The following ABCG1 variants were observed in gnomAD, a reference collection of about 807,000 sequenced individuals.
The protein encoded by ABCG1 is ATP binding cassette subfamily G member 1.
A neutral mutation model predicts 69.2 loss-of-function variants in ABCG1; 29 were observed. The ratio of observed to expected loss-of-function variants is 0.42; its 90% confidence interval spans 0.31 to 0.57. The LOEUF (loss-of-function observed/expected upper bound fraction) is 0.57, where lower values mean the gene tolerates loss of function less well. Among genes scored for constraint, ABCG1 ranks in the 20% least tolerant of loss-of-function variants. ABCG1 has a pLI of 0.15. For synonymous variants in ABCG1, 370 were observed against 374.8 expected (o/e 0.99, Z 0.15); for missense variants, 718 against 898.1 (o/e 0.80, Z 2.56).
Position 42,225,745 on chromosome 21 carries a change from C to A in ABCG1, c.117C>A (p.Ser39Arg). ...TCTCGGTGGATGAGGTGGTGTCCAG[C>A]AACATGGAGGCCACTGAGACGGACC... ...VCVSVDEVVSSNMEATETDLL... is the reference protein window; with the variant it reads ...VCVSVDEVVSRNMEATETDLL... Residue 39 changes from serine to arginine, a missense_variant, in exon 2 of 15, where the codon AGC becomes AGA. Physicochemically the swap from Ser to Arg is moderately radical, Grantham distance 110. Coordinates refer to ENST00000398449, the MANE Select transcript of ABCG1 (RefSeq NM_016818.3). 6.2e-7 allele frequency: 1 copy of A among 1,611,122 alleles called. No homozygotes were observed. The highest frequency in any genetic ancestry group is 8.5e-7 in the Non-Finnish European group (1 of 1,178,936).
chr21:42,218,109 C>T (rs2067662600), upstream of ABCG1, among the ~76,000 whole-genome samples: 1 of 152,156 alleles, frequency 6.6e-6, no homozygotes, highest in African/African-American at 2.4e-5. Context: ...AGTCCACCTG[C>T]CTGGCATAAA....
At chr21:42,220,187 C>A in intron 1 of ABCG1, 1 of 706,128 alleles carries the variant, frequency 1.4e-6, no homozygotes, top group Non-Finnish European at 2.4e-6. Context: ...CCCAGCACAC[C>A]AACATCGTAG....
rs760242815 is a variant in ABCG1, at chr21:42,287,790, C to A, written c.974-99C>A. The A allele has an allele frequency of 3.2e-6, 4 of 1,248,770 alleles. No individual in the cohort carries two copies. The highest frequency in any genetic ancestry group is 3.0e-5 in the African/African-American group (2 of 66,686). 77.4% of individuals were successfully genotyped at this position (1,248,770 alleles called of 1,614,324 possible). On this transcript the variant is annotated intron_variant, in intron 8 of 14. Transcript: ENST00000398449. The surrounding 1 kb of genome is among the most constrained non-coding windows in gnomAD (Gnocchi z 6.2). Reference sequence around the variant, plus strand: ...CACCGCCACGCAGCATCTATGTAATCGCTTTAAAACATTCCCACTTGAATA... The same window carrying A: ...CACCGCCACGCAGCATCTATGTAATAGCTTTAAAACATTCCCACTTGAATA...
intron 2 of ABCG1, among the ~76,000 whole-genome samples, chr21:42,237,780 A>G (rs2067998298): frequency 6.6e-6 from 1 of 152,202 alleles, no homozygotes; most frequent in Admixed American, 6.5e-5. Flanking sequence ...ACCTCTGACT[A>G]AGCTTCACGC....
At chr21:42,208,310 C>A (rs949634504) in intron 2 of ABCG1, among the ~76,000 whole-genome samples, 1 of 149,350 alleles carries the variant, frequency 6.7e-6, no homozygotes, top group Admixed American at 6.7e-5. Context: ...TGATGCAAAA[C>A]AAAAATCTAG....
chr21:42,259,576 C>A, intron 2 of ABCG1: 1 of 1,483,016 alleles, frequency 6.7e-7, no homozygotes. Flanking sequence ...AATCGAGTGG[C>A]ATTGCCTCTG....
upstream of ABCG1, among the ~76,000 whole-genome samples, chr21:42,215,881 C>T (rs1443814933): frequency 6.6e-6 from 1 of 152,174 alleles, no homozygotes; most frequent in South Asian, 2.1e-4. Context: ...GGTGACAACA[C>T]TTAATAATGG....
At chr21:42,207,014 T>G (rs1350047514) in intron 2 of ABCG1, 1 of 152,206 alleles carries the variant, frequency 6.6e-6, no homozygotes, top group East Asian at 1.9e-4. Flanking sequence ...TCTCATTCCC[T>G]TTAAGATTTC....
upstream of ABCG1, among the ~76,000 whole-genome samples, chr21:42,215,222 G>T (rs574737810): frequency 6.6e-6 from 1 of 152,302 alleles, no homozygotes; most frequent in East Asian, 1.9e-4. Flanking sequence ...ACTCACCAGG[G>T]ACAAGGGGTC....
Position 42,291,788 on chromosome 21 carries a change from C to T in ABCG1, c.1653+132C>T, listed in dbSNP as rs902772053. ...ACCCTCCTAGATGGGGTCGTTCCCA[C>T]GGGAAGGGCCCGCATTGTCGAGGGT... On this transcript the variant is annotated intron_variant, in intron 13 of 14. Transcript: ENST00000398449. This position sits in a 1 kb window ranked among gnomAD's most constrained non-coding sequence, Gnocchi z 6.4. 3.4e-5 allele frequency: 37 copies of T among 1,094,876 alleles called. No individual in the cohort carries two copies. The highest frequency in any genetic ancestry group is 1.6e-4 in the East Asian group (6 of 37,274). 67.8% of individuals were successfully genotyped at this position (1,094,876 alleles called of 1,614,324 possible). A position where few individuals can be genotyped will look rare whatever the true frequency, so the allele number is the denominator to read the frequency against.
chr21:42,251,693 C>G, intron 2 of ABCG1, among the ~76,000 whole-genome samples: 1 of 152,158 alleles, frequency 6.6e-6, no homozygotes, highest in East Asian at 1.9e-4. Context: ...GAAAGAAGGC[C>G]TTGAACCCCA....
chr21:42,277,459 C>A (rs1184332428), intron 5 of ABCG1, among the ~76,000 whole-genome samples: 4 of 148,980 alleles, frequency 2.7e-5, no homozygotes, highest in Admixed American at 2.7e-4. Flanking sequence ...CTTTCTAATC[C>A]CTTTAGCCAT....
At chr21:42,214,344 A>C (rs2067617371), upstream of ABCG1, among the ~76,000 whole-genome samples, 1 of 152,172 alleles carries the variant, frequency 6.6e-6, no homozygotes, top group Non-Finnish European at 1.5e-5. Flanking sequence ...CTGGAGTTTG[A>C]CCTTGGACTT....
intron 2 of ABCG1, among the ~76,000 whole-genome samples, chr21:42,253,394 G>C (rs546987410): frequency 5.3e-5 from 8 of 152,326 alleles, no homozygotes; most frequent in Admixed American, 2.6e-4. Flanking sequence ...TACAATTTAG[G>C]AAGGTACAGA....
chr21:42,277,606 C>T lies in ABCG1; in HGVS notation c.588+661C>T, dbSNP rs534702750. ...CACCCTCCACGGGAAACCCACTGTC[C>T]TCCTCTCCACTGCAGCTAGTGCTGG... On this transcript the variant is annotated intron_variant, in intron 5 of 14. Transcript: ENST00000398449. Among the ~76,000 whole-genome samples the T allele has an allele frequency of 1.3e-5, 2 of 152,322 alleles. 1 individual carries two copies. The highest frequency in any genetic ancestry group is 4.1e-4 in the South Asian group (2 of 4,832).
Position 42,219,156 on chromosome 21 carries a change from C to G in ABCG1, c.-107C>G. 9.4e-7 allele frequency: 1 copy of G among 1,059,302 alleles called. No individual in the cohort carries two copies. The highest frequency in any genetic ancestry group is 1.2e-6 in the Non-Finnish European group (1 of 845,734). The allele number at this position is 1,059,302 out of a possible 1,614,324, so 65.6% of individuals were successfully genotyped here. A position where few individuals can be genotyped will look rare whatever the true frequency, so the allele number is the denominator to read the frequency against. The stretch of plus-strand genomic sequence containing the variant: ...ATCCCAGCCGGAGCCCAAGCGCAGC[C>G]CGCACCCCGCGCAGCGGCTGAGCCG... On this transcript the variant is annotated 5_prime_UTR_variant, in exon 1 of 15. Transcript: ENST00000398449. This position sits in a 1 kb window ranked among gnomAD's most constrained non-coding sequence, Gnocchi z 5.3.
intron 1 of ABCG1, among the ~76,000 whole-genome samples, chr21:42,220,370 C>T (rs1390084905): frequency 6.6e-6 from 1 of 152,040 alleles, no homozygotes; most frequent in East Asian, 1.9e-4. Context: ...TTGAAGTCAG[C>T]AGGGCTCAGC....
intron 13 of ABCG1, among the ~76,000 whole-genome samples, chr21:42,293,030 A>C (rs1343981234): frequency 3.2e-5 from 4 of 126,530 alleles, no homozygotes; most frequent in African/African-American, 1.2e-4. Flanking sequence ...ACACCACACT[A>C]CACACTACAC....
At chr21:42,289,475 G>A (rs1601454045) in intron 10 of ABCG1, among the ~76,000 whole-genome samples, 2 of 152,316 alleles carry the variant, frequency 1.3e-5, no homozygotes, top group Admixed American at 1.3e-4. Context: ...CTTCAGGAAA[G>A]CACTGTGAAT....
Sources: gnomAD v4.1 joint callset for allele counts (sites outside exome capture counted in the v4.1 genomes callset) on GRCh38, gnomAD v4.1.1 for gene constraint, Gnocchi (gnomAD v3.1) non-coding constraint, MANE v1.5 for transcripts, NCBI Gene and HGNC (gene_info 2026-07-23, HGNC 2026-07-21) for gene names.